MATK: variants seen among roughly 807,000 people sequenced by gnomAD.
The protein encoded by MATK is megakaryocyte-associated tyrosine-protein kinase.
Under a neutral mutation model 59.8 loss-of-function variants are expected in MATK, and 41 were observed. The observed-to-expected ratio is 0.69, with a 90% confidence interval of 0.53 to 0.89. The LOEUF (loss-of-function observed/expected upper bound fraction) is 0.89. Ranked by LOEUF, MATK falls within the 40% of genes least tolerant of loss-of-function variation. MATK has a pLI of 0.00. For synonymous variants in MATK, 308 were observed against 306.1 expected (o/e 1.01, Z -0.06); for missense variants, 593 against 719.6 (o/e 0.82, Z 2.01).
At chr19:3,784,741 C>T (rs2037455174) in intron 3 of MATK, 84 bp downstream of exon 3, 2 of 943,420 alleles carry the variant, frequency 2.1e-6, no homozygotes, top group Non-Finnish European at 3.4e-6. Context: ...GCAGAGAGTA[C>T]AGCCCTTCAG....
At chr19:3,779,341 G>T in intron 11 of MATK, 37 bp downstream of exon 11, 1 of 1,606,346 alleles carries the variant, frequency 6.2e-7, no homozygotes, top group South Asian at 1.1e-5. Context: ...GCGCCCCGAC[G>T]ACCCCAGTGC....
chr19:3,778,845 A>G lies in MATK; in HGVS notation c.1197+147T>C, dbSNP rs553372556. ...AGAAACTGAGGCCCAGAGGGGGGCT[A>G]CGAGGAACAATTATGGGCCAAGAGC... On this transcript the variant is annotated intron_variant, in intron 12 of 13. Transcript: ENST00000310132. 221 of 899,186 alleles carry G rather than the reference A, an allele frequency of 2.5e-4. No homozygotes were observed. The South Asian group carries it at 3.3e-3, about 13-fold the overall frequency. 55.7% of individuals were successfully genotyped at this position (899,186 alleles called of 1,614,324 possible).
chr19:3,779,543 T>A lies in MATK; in HGVS notation c.917A>T (p.His306Leu). The A allele has an allele frequency of 6.2e-7, 1 of 1,611,740 alleles. No individual in the cohort carries two copies. Among genetic ancestry groups the A allele is most frequent in the Non-Finnish European group, 8.5e-7 (1 of 1,179,360 alleles). Residue 306 changes from histidine (H) to leucine (L), a missense_variant, in exon 10 of 14, where the codon CAC becomes CTC. Transcript: ENST00000310132. ...LHQGLYIVME[H>L]VSKGNLVNFL... is the part of the protein sequence containing the mutation. ...TGGGCCCCGCCCCACCTTGCTCACG[T>A]GCTCCATGACAATGTACAGCCCCTG... is the stretch of plus-strand genomic sequence containing the variant.
chr19:3,779,936 A>C (rs12610723), intron 8 of MATK, 139 bp from the exon 9 acceptor site: 599,024 of 653,548 alleles, frequency 0.92, 275,238 homozygotes, highest in Middle Eastern at 0.98. Flanking sequence ...TGAAACACAG[A>C]CCCCATGCTC....
In MATK at chr19:3,783,964, G is replaced by A. The variant is rs751258809; in HGVS notation, c.432C>T (p.Phe144=). The A allele has an allele frequency of 3.7e-6, 6 of 1,612,408 alleles. No homozygotes were observed. The South Asian group carries it at 5.5e-5, about 15-fold the overall frequency. ...QQLQPPEDGL[F]LVRESARHPG... ...GGTGGCGCGCGGACTCCCGCACCAGGAACAGCCCATCCTCGGGAGGCTGCA... is the reference window on the plus strand; with the variant it reads ...GGTGGCGCGCGGACTCCCGCACCAGAAACAGCCCATCCTCGGGAGGCTGCA... Residue 144 remains phenylalanine, a synonymous_variant, in exon 6 of 14, where the codon TTC becomes TTT. Transcript: ENST00000310132.
At chr19:3,797,514 G>A (rs1361493120) in intron 1 of MATK, among the ~76,000 whole-genome samples, 2 of 151,484 alleles carry the variant, frequency 1.3e-5, no homozygotes, top group Non-Finnish European at 2.9e-5. Flanking sequence ...TCAAACTCCT[G>A]AGCTCAAACA....
intron 1 of MATK, among the ~76,000 whole-genome samples, chr19:3,796,779 C>A (rs2037598697): frequency 1.3e-5 from 2 of 152,076 alleles, no homozygotes; most frequent in African/African-American, 4.8e-5. Flanking sequence ...AATGTGCTCC[C>A]CCTAGGGTTT....
In MATK at chr19:3,778,304, C is replaced by T. The variant is rs556775350; in HGVS notation, c.1403G>A (p.Arg468Gln). The T allele has an allele frequency of 3.6e-5, 56 of 1,574,816 alleles. No homozygotes were observed. The highest frequency in any genetic ancestry group is 1.7e-4 in the Middle Eastern group (1 of 5,880). ...CTCGGCCAGTTTGCGGAAGGGTGGCCGGCGGGCGGGCTCTGCCTCCCAGCA... is the reference window on the plus strand; with the variant it reads ...CTCGGCCAGTTTGCGGAAGGGTGGCTGGCGGGCGGGCTCTGCCTCCCAGCA... ...SSCWEAEPAR[R>Q]PPFRKLAEKL... The change falls in exon 14 of 14, where the codon CGG (arginine) becomes CAG (glutamine). Residue 468 changes from arginine (R) to glutamine (Q), a missense_variant. Transcript: ENST00000310132.
Position 3,779,576 on chromosome 19 carries a change from A to T in MATK, c.884T>A (p.Ile295Asn), listed in dbSNP as rs1243584965. 3 of 1,611,968 alleles carry T rather than the reference A, an allele frequency of 1.9e-6. No homozygotes were observed. The Admixed American group carries it at 5.0e-5, about 27-fold the overall frequency. Residue 295 changes from isoleucine (I) to asparagine (N), a missense_variant, in exon 10 of 14, where the codon ATC (isoleucine) becomes AAC (asparagine). By Grantham distance (149) the Ile-to-Asn change is moderately radical. Coordinates refer to ENST00000310132, the MANE Select transcript of MATK (RefSeq NM_139355.3). ...HENLVRLLGV[I>N]LHQGLYIVME... ...GACAATGTACAGCCCCTGGTGCAGG[A>T]TCACGCCCAGGAGACGCACCAGGTT...
At chr19:3,785,390 A>G in intron 1 of MATK, 104 bp from the exon 2 acceptor site, 1 of 759,122 alleles carries the variant, frequency 1.3e-6, no homozygotes, top group East Asian at 2.9e-5. Context: ...CGGGTCCTGT[A>G]GCCCTGCTGG....
At chr19:3,781,029 G>A (rs992659118) in intron 8 of MATK, among the ~76,000 whole-genome samples, 2 of 152,148 alleles carry the variant, frequency 1.3e-5, no homozygotes, top group African/African-American at 4.8e-5. Context: ...GTGCCTGGCT[G>A]GTTTTTGCAT....
chr19:3,791,151 G>A (rs933959445), upstream of MATK, among the ~76,000 whole-genome samples: 2 of 152,090 alleles, frequency 1.3e-5, no homozygotes, highest in African/African-American at 4.8e-5. Context: ...CAGAAGTGGG[G>A]AGTTAAAATT....
chr19:3,790,042 C>T (rs527916427), upstream of MATK, among the ~76,000 whole-genome samples: 314 of 152,316 alleles, frequency 2.1e-3, no homozygotes, highest in African/African-American at 7.3e-3. Flanking sequence ...GCTGGGATTA[C>T]AGGTGCCCGC....
intron 1 of MATK, among the ~76,000 whole-genome samples, chr19:3,794,632 G>A (rs2037575482): frequency 6.6e-6 from 1 of 152,124 alleles, no homozygotes; most frequent in Admixed American, 6.6e-5. Context: ...TCCAGCCTGG[G>A]CAACAGAGCA....
chr19:3,783,376 A>C (rs1477037476), intron 6 of MATK, 157 bp from the exon 7 acceptor site: 2 of 650,034 alleles, frequency 3.1e-6, no homozygotes, highest in Non-Finnish European at 5.5e-6. Flanking sequence ...AGCCAAAAGG[A>C]GGGGGAGTCC....
At position 3,778,731 on chromosome 19, in the gene MATK, C is replaced by T. The variant is rs942894888; in HGVS notation, c.1198-136G>A. On this transcript the variant is annotated intron_variant, in intron 12 of 13. Transcript: ENST00000310132. ...AATTGAGTCCTCCCCCAACGCCGCC[C>T]GCAGTTGAGTCTAGCTCAGCCTTAG... is the stretch of plus-strand genomic sequence containing the variant. 3.9e-5 allele frequency: 40 copies of T among 1,014,226 alleles called. 1 individual carries two copies. The highest frequency in any genetic ancestry group is 7.8e-5 in the East Asian group (3 of 38,458). The allele number at this position is 1,014,226 out of a possible 1,614,324, so 62.8% of individuals were successfully genotyped here.
chr19:3,793,581 A>G lies in MATK; in HGVS notation c.-57-4177T>C, dbSNP rs186252141. ...GCCAGGTGTGGTGGCGGGTGCCTGT[A>G]GTCCCAGCTACTCGGGAGGCTGAGG... On this transcript the variant is annotated intron_variant, in intron 1 of 13. Transcript: ENST00000395045. 3.0e-3 allele frequency among the ~76,000 whole-genome samples: 458 copies of G among 152,274 alleles called. 2 individuals carry two copies. Among genetic ancestry groups the G allele is most frequent in the Non-Finnish European group, 5.2e-3 (352 of 68,020 alleles).
At chr19:3,795,704 T>C (rs2037587253) in intron 1 of MATK, among the ~76,000 whole-genome samples, 1 of 151,296 alleles carries the variant, frequency 6.6e-6, no homozygotes, top group Non-Finnish European at 1.5e-5. Context: ...GACTGTAGTT[T>C]GCTCTCCGCT....
At position 3,785,282 on chromosome 19, in the gene MATK, G is replaced by A; in HGVS notation, c.-147C>T. On this transcript the variant is annotated 5_prime_UTR_variant, in exon 2 of 14. Transcript: ENST00000310132. ...CACTGGACCGAGCCTGGTTCTTCCT[G>A]TTTTCTGGTTGGTAGGCAGGGGCAG... 1 of 1,500,936 alleles carries A rather than the reference G, an allele frequency of 6.7e-7. No homozygotes were observed. The highest frequency in any genetic ancestry group is 1.2e-5 in the South Asian group (1 of 80,114). The allele number at this position is 1,500,936 out of a possible 1,614,324, so 93.0% of individuals were successfully genotyped here. A position where few individuals can be genotyped will look rare whatever the true frequency, so the allele number is the denominator to read the frequency against.
Sources: gnomAD v4.1 joint callset for allele counts (sites outside exome capture counted in the v4.1 genomes callset) on GRCh38, gnomAD v4.1.1 for gene constraint, MANE v1.5 for transcripts, NCBI Gene and HGNC (gene_info 2026-07-23, HGNC 2026-07-21) for gene names.